Variants in ZFYVE1 observed in about 807,000 individuals in gnomAD.
ZFYVE1 encodes the protein zinc finger FYVE domain-containing protein 1.
A neutral mutation model predicts 74.4 loss-of-function variants in ZFYVE1; 30 were observed. The ratio of observed to expected loss-of-function variants is 0.40; its 90% CI spans 0.30 to 0.55. The LOEUF (loss-of-function observed/expected upper bound fraction) is 0.55, where lower values mean the gene tolerates loss of function less well. ZFYVE1 is among the 20% of genes least tolerant of loss of function. The pLI, the probability that ZFYVE1 is intolerant of heterozygous loss-of-function variation, is 0.42. For synonymous variants in ZFYVE1, 335 were observed against 385.1 expected, an observed-to-expected ratio of 0.87 and a Z score of 1.52; for missense variants, 703 against 1,011.6, an observed-to-expected ratio of 0.69 and a Z score of 4.14.
intron 10 of ZFYVE1, 86 bp from the exon 11 acceptor site, chr14:72,974,279 G>T (rs1273959752): frequency 1.8e-5 from 23 of 1,267,518 alleles, no homozygotes; most frequent in Non-Finnish European, 2.5e-5. Flanking sequence ...AACGCTTCTG[G>T]ATTCTGATCC....
Position 72,974,155 on chromosome 14 carries a change from G to C in ZFYVE1, c.2026C>G (p.Leu676Val). The C allele has an allele frequency of 6.2e-7, 1 of 1,614,134 alleles. No homozygotes were observed. The highest frequency in any genetic ancestry group is 8.5e-7 in the Non-Finnish European group (1 of 1,180,000). ...EAQVDDEGGT[L>V]IARKVGEAVQ... The stretch of plus-strand genomic sequence containing the variant: ...GCCTCGCCCACCTTCCGAGCAATGA[G>C]CGTTCCACCTTCATCGTCCACTTGT... Residue 676 changes from leucine to valine, a missense_variant, in exon 11 of 12, where the codon CTC becomes GTC. By Grantham distance (32) the Leu-to-Val change is conservative. Around this residue, in one of 2 missense-constraint regions of ZFYVE1, gnomAD observed 492 missense variants for 790.0 expected, o/e 0.62. Coordinates refer to ENST00000556143, the MANE Select transcript of ZFYVE1 (RefSeq NM_021260.4).
At chr14:72,996,899 A>C (rs1893761421) in intron 3 of ZFYVE1, among the ~76,000 whole-genome samples, 1 of 152,168 alleles carries the variant, frequency 6.6e-6, no homozygotes, top group Non-Finnish European at 1.5e-5. Flanking sequence ...TGAAGATTGC[A>C]ATTGTTTCAG....
rs1453740772 is a variant in ZFYVE1 at position 72,969,486 on chromosome 14, G to T, written c.*1396C>A. 2.9e-5 allele frequency: 16 copies of T among 552,290 alleles called. No homozygotes were observed. In the East Asian group the frequency reaches 4.8e-4, roughly 16 times the overall value. 34.2% of individuals were successfully genotyped at this position (552,290 alleles called of 1,614,324 possible). On this transcript the variant is annotated 3_prime_UTR_variant, in exon 12 of 12. Coordinates refer to ENST00000556143, the MANE Select transcript of ZFYVE1 (RefSeq NM_021260.4). ...TTCCTTTATGATGGCGAATTGGATG[G>T]TACACAGTTCTAGAGTAGGGTCCCA...
intron 4 of ZFYVE1, among the ~76,000 whole-genome samples, chr14:72,989,559 ATC>A (rs149752112): frequency 0.017 from 2,536 of 152,288 alleles, 53 homozygotes; most frequent in East Asian, 0.048. Flanking sequence ...TTAAAATGAC[ATC>A]TCTGTTTTAA....
At chr14:72,988,548 T>C (rs1409340243) in intron 4 of ZFYVE1, among the ~76,000 whole-genome samples, 1 of 151,602 alleles carries the variant, frequency 6.6e-6, no homozygotes, top group Non-Finnish European at 1.5e-5. Context: ...GGCTCACACC[T>C]GTAATCCCAA....
Position 72,975,041 on chromosome 14 carries a change from G to T in ZFYVE1, c.1807-82C>A. On this transcript the variant is annotated intron_variant, in intron 9 of 11. Coordinates refer to ENST00000556143, the MANE Select transcript of ZFYVE1 (RefSeq NM_021260.4). This position sits in a 1 kb window ranked among gnomAD's most constrained non-coding sequence, Gnocchi z 4.1. ...AGCTGAGAAAGTCAACAAGACCCCGGAGCAAGCAGAAACTAAGGCAGGTGG... is the reference window on the plus strand; with the variant it reads ...AGCTGAGAAAGTCAACAAGACCCCGTAGCAAGCAGAAACTAAGGCAGGTGG... 2 of 1,464,114 alleles carry T rather than the reference G, an allele frequency of 1.4e-6. No homozygotes were observed. The allele number at this position is 1,464,114 out of a possible 1,614,324, so 90.7% of individuals were successfully genotyped here.
chr14:72,970,521 T>C lies in ZFYVE1; in HGVS notation c.*361A>G, dbSNP rs1472804089. 2 of 261,092 alleles carry C rather than the reference T, an allele frequency of 7.7e-6. No individual in the cohort carries two copies. The highest frequency in any genetic ancestry group is 1.5e-5 in the Non-Finnish European group (2 of 134,792). The allele number at this position is 261,092 out of a possible 1,614,324, so 16.2% of individuals were successfully genotyped here. ...GTGCTGCCACTGCCACCTCACCCTGTGCGGAGGAGACTGTGCGAAGTCTTC... is the reference window on the plus strand; with the variant it reads ...GTGCTGCCACTGCCACCTCACCCTGCGCGGAGGAGACTGTGCGAAGTCTTC... On this transcript the variant is annotated 3_prime_UTR_variant, in exon 12 of 12. Transcript: ENST00000556143.
chr14:72,975,990 G>A lies in ZFYVE1; in HGVS notation c.1636-269C>T, dbSNP rs1893160672. On this transcript the variant is annotated intron_variant, in intron 8 of 11. Transcript: ENST00000556143. The surrounding 1 kb of genome is among the most constrained non-coding windows in gnomAD (Gnocchi z 4.1). ...CTCCTCCAGGGGGCCCCGCACCGCA[G>A]GCTGAGTTAAGAACCTTTCCTCTCA... 2.8e-6 allele frequency: 1 copy of A among 357,468 alleles called. No individual in the cohort carries two copies. Among genetic ancestry groups the A allele is most frequent in the African/African-American group, 2.1e-5 (1 of 48,402 alleles). 22.1% of individuals were successfully genotyped at this position (357,468 alleles called of 1,614,324 possible). A position where few individuals can be genotyped will look rare whatever the true frequency, so the allele number is the denominator to read the frequency against.
At chr14:72,977,069 CACAA>C (rs562705685) in intron 8 of ZFYVE1, among the ~76,000 whole-genome samples, 121 of 152,274 alleles carry the variant, frequency 7.9e-4, no homozygotes, top group Middle Eastern at 3.4e-3. Flanking sequence ...ATCACTGCCT[CACAA>C]ACAGATTTGT....
At chr14:73,011,875 CAT>C (rs771711612) in intron 2 of ZFYVE1, among the ~76,000 whole-genome samples, 5 of 147,728 alleles carry the variant, frequency 3.4e-5, no homozygotes, top group African/African-American at 4.9e-5. Flanking sequence ...AGATTGCATA[CAT>C]ATATATATAT....
intron 11 of ZFYVE1, among the ~76,000 whole-genome samples, chr14:72,972,382 G>A (rs921216817): frequency 2.6e-5 from 4 of 152,184 alleles, no homozygotes; most frequent in Non-Finnish European, 4.4e-5. Context: ...CAGCCAGCAG[G>A]CTATGCTCTG....
At chr14:72,991,114 C>T (rs1893600259) in intron 4 of ZFYVE1, among the ~76,000 whole-genome samples, 1 of 151,414 alleles carries the variant, frequency 6.6e-6, no homozygotes, top group Non-Finnish European at 1.5e-5. Context: ...GGTAGGACAT[C>T]CAAGACTTCT....
intron 2 of ZFYVE1, among the ~76,000 whole-genome samples, chr14:73,011,228 T>C (rs11627340): frequency 0.2 from 29,840 of 150,446 alleles, 3,712 homozygotes; most frequent in East Asian, 0.43. Flanking sequence ...CTCACACCTG[T>C]AATCCCAGCC....
chr14:73,017,763 A>G (rs772377262), intron 2 of ZFYVE1, among the ~76,000 whole-genome samples: 5 of 152,092 alleles, frequency 3.3e-5, no homozygotes, highest in Non-Finnish European at 5.9e-5. Flanking sequence ...ACCCTCTGCA[A>G]CAGCCTCCTA....
rs1424865718 is a variant in ZFYVE1, at chr14:72,969,614, T to C, written c.*1268A>G. 2 of 681,228 alleles carry C rather than the reference T, an allele frequency of 2.9e-6. No homozygotes were observed. Among genetic ancestry groups the C allele is most frequent in the Admixed American group, 2.1e-5 (1 of 47,158 alleles). 42.2% of individuals were successfully genotyped at this position (681,228 alleles called of 1,614,324 possible). Reference sequence around the variant, plus strand: ...CGCACCAGGAATGACCGCCATATACTTCCCTAAAGCTCAACCCACCCACCA... The same window carrying C: ...CGCACCAGGAATGACCGCCATATACCTCCCTAAAGCTCAACCCACCCACCA... On this transcript the variant is annotated 3_prime_UTR_variant, in exon 12 of 12. Transcript: ENST00000556143.
rs2140342502 is a variant in ZFYVE1, at chr14:72,975,055, T to G, written c.1807-96A>C. 7.2e-7 allele frequency: 1 copy of G among 1,386,130 alleles called. No individual in the cohort carries two copies. The highest frequency in any genetic ancestry group is 1.5e-5 in the South Asian group (1 of 68,564). 85.9% of individuals were successfully genotyped at this position (1,386,130 alleles called of 1,614,324 possible). ...ACAAGACCCCGGAGCAAGCAGAAAC[T>G]AAGGCAGGTGGCGTTAGCTCAACAA... On this transcript the variant is annotated intron_variant, in intron 9 of 11. Coordinates refer to ENST00000556143, the MANE Select transcript of ZFYVE1 (RefSeq NM_021260.4). The surrounding 1 kb of genome is among the most constrained non-coding windows in gnomAD (Gnocchi z 4.1).
At chr14:72,983,614 G>T (rs1367440917) in intron 4 of ZFYVE1, among the ~76,000 whole-genome samples, 1 of 151,934 alleles carries the variant, frequency 6.6e-6, no homozygotes, top group Non-Finnish European at 1.5e-5. Flanking sequence ...ATGGACATTT[G>T]GGTTGGTTCC....
chr14:72,972,579 C>G (rs1251546190), intron 11 of ZFYVE1, among the ~76,000 whole-genome samples: 1 of 152,222 alleles, frequency 6.6e-6, no homozygotes, highest in African/African-American at 2.4e-5. Context: ...TACAATGTGC[C>G]ACGCTGCCCC....
At chr14:72,996,032 A>G (rs892734911) in intron 3 of ZFYVE1, among the ~76,000 whole-genome samples, 3 of 152,164 alleles carry the variant, frequency 2.0e-5, no homozygotes, top group African/African-American at 7.2e-5. Flanking sequence ...AACTGAGTCA[A>G]GGCCACCCAT....
Sources: gnomAD v4.1 joint callset for allele counts (sites outside exome capture counted in the v4.1 genomes callset) on GRCh38, gnomAD v4.1.1 for gene constraint, gnomAD v4.1.1 regional missense constraint, Gnocchi (gnomAD v3.1) non-coding constraint, MANE v1.5 for transcripts, NCBI Gene and HGNC (gene_info 2026-07-23, HGNC 2026-07-21) for gene names.